The following KCND2 variants were observed in gnomAD, a reference collection of about 807,000 sequenced individuals.
KCND2 encodes the protein potassium voltage-gated channel subfamily D member 2, also known as A-type voltage-gated potassium channel KCND2.
In KCND2, 16 loss-of-function variants were observed where a neutral mutation model predicts 54.4. That is an observed-to-expected ratio of 0.29 (90% CI 0.20 to 0.45). The LOEUF (loss-of-function observed/expected upper bound fraction) is 0.45, where lower values mean the gene tolerates loss of function less well. Among genes scored for constraint, KCND2 ranks in the 20% least tolerant of loss-of-function variants. KCND2 has a pLI of 1.00. For synonymous variants in KCND2, 317 were observed against 310.7 expected, an observed-to-expected ratio of 1.02 and a Z score of -0.21; for missense variants, 486 against 824.2, an observed-to-expected ratio of 0.59 and a Z score of 5.02.
chr7:120,562,253 A>G (rs1286446762), intron 1 of KCND2, among the ~76,000 whole-genome samples: 1 of 151,972 alleles, frequency 6.6e-6, no homozygotes, highest in East Asian at 1.9e-4. Flanking sequence ...ATAGCAGAAA[A>G]TAAGACAACA....
At chr7:120,582,434 T>C (rs1792528999) in intron 1 of KCND2, among the ~76,000 whole-genome samples, 1 of 152,152 alleles carries the variant, frequency 6.6e-6, no homozygotes, top group East Asian at 1.9e-4. Context: ...GATAACTGTT[T>C]TAAGGACACA....
chr7:120,622,668 C>A (rs986261865), intron 1 of KCND2, among the ~76,000 whole-genome samples: 8 of 128,758 alleles, frequency 6.2e-5, no homozygotes, highest in Admixed American at 5.4e-4. Flanking sequence ...TTTCCTTACA[C>A]ACACACACAC....
chr7:120,701,055 T>G (rs1792394601), intron 1 of KCND2, among the ~76,000 whole-genome samples: 2 of 151,940 alleles, frequency 1.3e-5, no homozygotes, highest in Admixed American at 6.6e-5. Context: ...GTTCCAGCTT[T>G]TACATTTGTG....
At chr7:120,568,072 CA>C (rs566343950) in intron 1 of KCND2, among the ~76,000 whole-genome samples, 3,770 of 145,414 alleles carry the variant, frequency 0.026, 119 homozygotes, top group African/African-American at 0.082. Flanking sequence ...TTTAAAGCAT[CA>C]AAAAAAAAAA....
intron 1 of KCND2, among the ~76,000 whole-genome samples, chr7:120,520,883 C>A (rs1791683664): frequency 6.6e-6 from 1 of 152,118 alleles, no homozygotes; most frequent in South Asian, 2.1e-4. Flanking sequence ...TGTAGTGATT[C>A]AAGAACCCAG....
At chr7:120,397,349 G>T (rs1801169332) in intron 1 of KCND2, among the ~76,000 whole-genome samples, 1 of 151,948 alleles carries the variant, frequency 6.6e-6, no homozygotes, top group Non-Finnish European at 1.5e-5. Context: ...CACTTATCTG[G>T]TCGGTAGTTG....
chr7:120,606,241 T>C (rs1345650184), intron 1 of KCND2, among the ~76,000 whole-genome samples: 1 of 152,228 alleles, frequency 6.6e-6, no homozygotes, highest in East Asian at 1.9e-4. Context: ...CTGCCAATTT[T>C]AAATTACTTT....
intron 1 of KCND2, among the ~76,000 whole-genome samples, chr7:120,489,492 A>C (rs1206830827): frequency 6.6e-6 from 1 of 152,178 alleles, no homozygotes; most frequent in Non-Finnish European, 1.5e-5. Flanking sequence ...ATATGCTCTA[A>C]ATGAATAACT....
chr7:120,716,210 G>C (rs997578008), intron 1 of KCND2, among the ~76,000 whole-genome samples: 1 of 151,576 alleles, frequency 6.6e-6, no homozygotes, highest in Non-Finnish European at 1.5e-5. Context: ...CTTCTAAACT[G>C]TAAAATAATT....
chr7:120,394,543 G>A (rs1379989982), intron 1 of KCND2, among the ~76,000 whole-genome samples: 1 of 151,946 alleles, frequency 6.6e-6, no homozygotes, highest in Non-Finnish European at 1.5e-5. Flanking sequence ...AGACCTTCAG[G>A]ACCCTCCCAT....
At chr7:120,719,800 T>C (rs1316629299) in intron 1 of KCND2, among the ~76,000 whole-genome samples, 1 of 152,164 alleles carries the variant, frequency 6.6e-6, no homozygotes, top group African/African-American at 2.4e-5. Flanking sequence ...TTTATTCACC[T>C]GCCCTTAAAA....
intron 1 of KCND2, among the ~76,000 whole-genome samples, chr7:120,499,884 A>G (rs1802907563): frequency 6.6e-6 from 1 of 152,132 alleles, no homozygotes; most frequent in Admixed American, 6.6e-5. Flanking sequence ...TAGATGACTC[A>G]TTTCTTGAGC....
rs188981001 is a variant in KCND2 at position 120,619,772 on chromosome 7, C to A, written c.1116-113131C>A. Among the ~76,000 whole-genome samples the A allele has an allele frequency of 5.4e-4, 82 of 152,248 alleles. No individual in the cohort carries two copies. The East Asian group carries it at 0.016, about 29-fold the overall frequency. ...CAGAATATAGTCACATGATATGGTT[C>A]CTTAAAGCGCATTAGCCCAACAGCA... On this transcript the variant is annotated intron_variant, in intron 1 of 5. Transcript: ENST00000331113.
At chr7:120,452,506 G>A (rs1030144437) in intron 1 of KCND2, among the ~76,000 whole-genome samples, 1 of 152,094 alleles carries the variant, frequency 6.6e-6, no homozygotes, top group African/African-American at 2.4e-5. Flanking sequence ...ACAGACACTG[G>A]GCTGAAGGGG....
chr7:120,577,016 G>A (rs1193508843), intron 1 of KCND2, among the ~76,000 whole-genome samples: 1 of 151,922 alleles, frequency 6.6e-6, no homozygotes, highest in East Asian at 1.9e-4. Flanking sequence ...GTGTGGCAGC[G>A]TGCACCTGTA....
chr7:120,480,010 C>A (rs1802583690), intron 1 of KCND2, among the ~76,000 whole-genome samples: 1 of 146,350 alleles, frequency 6.8e-6, no homozygotes, highest in African/African-American at 2.5e-5. Flanking sequence ...TATAGATTTA[C>A]AAAGAAACTA....
chr7:120,591,394 T>C (rs1391846582), intron 1 of KCND2, among the ~76,000 whole-genome samples: 1 of 152,190 alleles, frequency 6.6e-6, no homozygotes, highest in Non-Finnish European at 1.5e-5. Flanking sequence ...TTAGACTTAC[T>C]CTAGTCCAAG....
chr7:120,461,247 G>T (rs1175729898), intron 1 of KCND2, among the ~76,000 whole-genome samples: 2 of 152,004 alleles, frequency 1.3e-5, no homozygotes, highest in Non-Finnish European at 2.9e-5. Context: ...AATTAGCATT[G>T]GTGGCTTGTC....
In KCND2 at chr7:120,275,707, G is replaced by A; in HGVS notation, c.1075G>A (p.Ala359Thr). 6.2e-7 allele frequency: 1 copy of A among 1,601,320 alleles called. No individual in the cohort carries two copies. The highest frequency in any genetic ancestry group is 8.5e-7 in the Non-Finnish European group (1 of 1,179,956). ...SSASKFTSIP[A>T]AFWYTIVTMT... The stretch of plus-strand genomic sequence containing the variant: ...GGCTAGCAAGTTCACCAGCATCCCT[G>A]CAGCCTTCTGGTATACCATCGTCAC... The change falls in exon 1 of 6, where the codon GCA becomes ACA. Residue 359 changes from alanine (A) to threonine (T), a missense_variant. Physicochemically the swap from Ala to Thr is moderately conservative, Grantham distance 58 (BLOSUM62 0). Transcript: ENST00000331113.
Sources: gnomAD v4.1 joint callset for allele counts (sites outside exome capture counted in the v4.1 genomes callset) on GRCh38, gnomAD v4.1.1 for gene constraint, MANE v1.5 for transcripts, NCBI Gene and HGNC (gene_info 2026-07-23, HGNC 2026-07-21) for gene names.